The following F12 variants were observed in gnomAD, a reference collection of about 807,000 sequenced individuals.
The protein encoded by F12 is Hageman factor.
Under a neutral mutation model 74.8 loss-of-function variants are expected in F12, and 70 were observed. The ratio of observed to expected loss-of-function variants is 0.94; its 90% CI spans 0.77 to 1.14. F12 has a LOEUF of 1.14. Among genes scored for constraint, F12 ranks in the 50% most tolerant of loss-of-function variants. F12 has a pLI of 0.00. For synonymous variants in F12, 373 were observed against 356.4 expected, an observed-to-expected ratio of 1.05 and a Z score of -0.52; for missense variants, 811 against 835.7, an observed-to-expected ratio of 0.97 and a Z score of 0.36.
Position 177,404,621 on chromosome 5 carries a change from G to A in F12, c.678C>T (p.Arg226=). The change falls in exon 8 of 14, where the codon CGC becomes CGT. Residue 226 remains arginine (R), a synonymous_variant. Transcript: ENST00000253496. ...SCYDGRGLSY[R]GLARTTLSGA... is the part of the protein sequence containing the mutation. ...CCGAGAGCGTGGTCCTGGCCAGGCC[G>A]CGGTAGCTGAGCCCGCGGCCATCAT... The A allele has an allele frequency of 6.2e-7, 1 of 1,607,426 alleles. No homozygotes were observed. Among genetic ancestry groups the A allele is most frequent in the Non-Finnish European group, 8.5e-7 (1 of 1,179,674 alleles).
Position 177,402,362 on chromosome 5 carries a change from C to A in F12, c.1778G>T (p.Arg593Leu). ...IISWGSGCGD[R>L]NKPGVYTDVA... ...ATCGGTGTAGACGCCTGGCTTGTTG[C>A]GGTCACCACAGCCCGATCCCCAGCT... Residue 593 changes from arginine (R) to leucine (L), a missense_variant, in exon 14 of 14, where the codon CGC becomes CTC. By Grantham distance (102) the Arg-to-Leu change is moderately radical (BLOSUM62 -2). Coordinates refer to ENST00000253496, the MANE Select transcript of F12 (RefSeq NM_000505.4). The A allele has an allele frequency of 1.2e-6, 2 of 1,613,654 alleles. No individual in the cohort carries two copies. Among genetic ancestry groups the A allele is most frequent in the Non-Finnish European group, 8.5e-7 (1 of 1,179,946 alleles).
In F12 at chr5:177,404,041, T is replaced by C; in HGVS notation, c.1068A>G (p.Pro356=). 1 of 1,602,534 alleles carries C rather than the reference T, an allele frequency of 6.2e-7. No individual in the cohort carries two copies. Among genetic ancestry groups the C allele is most frequent in the South Asian group, 1.1e-5 (1 of 91,016 alleles). Residue 356 remains proline (P), a synonymous_variant, in exon 10 of 14, where the codon CCA becomes CCG. Transcript: ENST00000253496. ...EQPPSLTRNG[P]LSCGQRLRKS... ...TGCGGAGCCGCTGCCCGCAGCTCAG[T>C]GGGCCGTTCCTGGTCAGGGAAGGCG...
chr5:177,403,079 A>C, intron 12 of F12, 175 bp downstream of exon 12: 1 of 813,722 alleles, frequency 1.2e-6, no homozygotes, highest in Non-Finnish European at 1.9e-6. Context: ...CCCAGCAGTG[A>C]ATCCCAGGCC....
chr5:177,403,957 G>T lies in F12; in HGVS notation c.1152C>A (p.His384Gln). Reference sequence around the variant, plus strand: ...CCCAGTACAGCGCGGCGATGTAGGGGTGCGCCCCGCGTAGCGCCACCAGCC... The same window carrying T: ...CCCAGTACAGCGCGGCGATGTAGGGTTGCGCCCCGCGTAGCGCCACCAGCC... ...VGGLVALRGA[H>Q]PYIAALYWGH... Residue 384 changes from histidine to glutamine, a missense_variant, in exon 10 of 14, where the codon CAC becomes CAA. Physicochemically the swap from His to Gln is conservative, Grantham distance 24. Coordinates refer to ENST00000253496, the MANE Select transcript of F12 (RefSeq NM_000505.4). The T allele has an allele frequency of 1.9e-6, 3 of 1,601,940 alleles. No individual in the cohort carries two copies. The highest frequency in any genetic ancestry group is 1.7e-6 in the Non-Finnish European group (2 of 1,178,776).
intron 6 of F12, 35 bp downstream of exon 6, chr5:177,405,019 G>A (rs746749861): frequency 6.1e-5 from 98 of 1,606,464 alleles, no homozygotes; most frequent in Non-Finnish European, 8.1e-5. Context: ...TCTTCCTGAC[G>A]CTCCTCCCTG....
rs750238377 is a variant in F12, at chr5:177,403,388, C to G, written c.1397G>C (p.Arg466Pro). 2 of 1,596,962 alleles carry G rather than the reference C, an allele frequency of 1.3e-6. No individual in the cohort carries two copies. The change falls in exon 12 of 14, where the codon CGC (arginine) becomes CCC (proline). Residue 466 changes from arginine (R) to proline (P), a missense_variant. By Grantham distance (103) the Arg-to-Pro change is moderately radical (BLOSUM62 -2). Transcript: ENST00000253496. ...VSYQHDLALL[R>P]LQEDADGSCA... ...GCTGCCGTCCGCATCCTCCTGAAGG[C>G]GCAACAGAGCTAACCCGGGCGGAGA...
chr5:177,402,533 C>A lies in F12; in HGVS notation c.1680+17G>T, dbSNP rs577635757. ...TGACGGCCTCGGGGAAGGGCGCCAA[C>A]CGGGCTAAGAGCTCACCTGGCACGC... On this transcript the variant is annotated intron_variant, in intron 13 of 13. Transcript: ENST00000253496. 6.2e-7 allele frequency: 1 copy of A among 1,607,732 alleles called. No homozygotes were observed. Among genetic ancestry groups the A allele is most frequent in the East Asian group, 2.2e-5 (1 of 44,492 alleles).
Position 177,403,792 on chromosome 5 carries a change from T to C in F12, c.1250+67A>G, listed in dbSNP as rs1475277103. On this transcript the variant is annotated intron_variant, in intron 10 of 13. Transcript: ENST00000253496. ...GTAGGGCACGGGTTCGGGTGCAGCGTGGAAGCTGCGCTGGGAGACGGAGGA... is the reference window on the plus strand; with the variant it reads ...GTAGGGCACGGGTTCGGGTGCAGCGCGGAAGCTGCGCTGGGAGACGGAGGA... 4.1e-6 allele frequency: 6 copies of C among 1,461,798 alleles called. No individual in the cohort carries two copies. In the African/African-American group the frequency reaches 5.6e-5, roughly 14 times the overall value. 90.6% of individuals were successfully genotyped at this position (1,461,798 alleles called of 1,614,324 possible).
intron 13 of F12, 36 bp downstream of exon 13, chr5:177,402,514 C>G: frequency 6.2e-7 from 1 of 1,602,696 alleles, no homozygotes; most frequent in Non-Finnish European, 8.5e-7. Context: ...TGCCTGACGG[C>G]CTCGGGGAAG....
intron 2 of F12, among the ~76,000 whole-genome samples, chr5:177,406,382 G>A (rs1030048503): frequency 2.0e-5 from 3 of 152,106 alleles, no homozygotes; most frequent in South Asian, 2.1e-4. Flanking sequence ...CCAGCTACTC[G>A]GGAGGCCGAG....
rs759948258 is a variant in F12, at chr5:177,403,984, G to C, written c.1125C>G (p.Gly375=). 79 of 1,602,696 alleles carry C rather than the reference G, an allele frequency of 4.9e-5. No individual in the cohort carries two copies. The African/African-American group carries it at 9.1e-4, about 18-fold the overall frequency. ...KSLSSMTRVV[G]GLVALRGAHP... ...GCGCCCCGCGTAGCGCCACCAGCCC[G>C]CCAACGACGCGGGTCATCGAAGACA... is the stretch of plus-strand genomic sequence containing the variant. The change falls in exon 10 of 14, where the codon GGC becomes GGG. Residue 375 remains glycine (G), a synonymous_variant. Coordinates refer to ENST00000253496, the MANE Select transcript of F12 (RefSeq NM_000505.4).
chr5:177,403,415 G>T lies in F12; in HGVS notation c.1388-18C>A, dbSNP rs756305604. 6.3e-7 allele frequency: 1 copy of T among 1,585,908 alleles called. No individual in the cohort carries two copies. The highest frequency in any genetic ancestry group is 8.5e-7 in the Non-Finnish European group (1 of 1,172,710). Reference sequence around the variant, plus strand: ...CAACAGAGCTAACCCGGGCGGAGAGGAGCGTGAGGCGGGGACGCCGGGGCC... The same window carrying T: ...CAACAGAGCTAACCCGGGCGGAGAGTAGCGTGAGGCGGGGACGCCGGGGCC... On this transcript the variant is annotated intron_variant, in intron 11 of 13. Coordinates refer to ENST00000253496, the MANE Select transcript of F12 (RefSeq NM_000505.4).
In F12 at chr5:177,403,856, C is replaced by A; in HGVS notation, c.1250+3G>T. 1 of 1,527,820 alleles carries A rather than the reference C, an allele frequency of 6.5e-7. No homozygotes were observed. Among genetic ancestry groups the A allele is most frequent in the South Asian group, 1.2e-5 (1 of 82,954 alleles). 94.6% of individuals were successfully genotyped at this position (1,527,820 alleles called of 1,614,324 possible). A position where few individuals can be genotyped will look rare whatever the true frequency, so the allele number is the denominator to read the frequency against. ...GGGCGGCTCTGGGCGGGCGGGTACT[C>A]GCCGGTCCTGCAGGCAGTGAGCGGC... On this transcript the variant is annotated splice_donor_region_variant and intron_variant, in intron 10 of 13. Transcript: ENST00000253496.
Position 177,409,501 on chromosome 5 carries a change from G to A in F12, c.27C>T (p.Phe9=). 6.2e-7 allele frequency: 1 copy of A among 1,614,102 alleles called. No individual in the cohort carries two copies. Among genetic ancestry groups the A allele is most frequent in the Non-Finnish European group, 8.5e-7 (1 of 1,180,022 alleles). MRALLLLG[F]LLVSLESTLS... ...GTGTTGACTCCAAGCTCACCAGCAG[G>A]AACCCCAGGAGCAGCAGAGCCCTCA... The change falls in exon 1 of 14, where the codon TTC becomes TTT. Residue 9 remains phenylalanine (F), a synonymous_variant. Coordinates refer to ENST00000253496, the MANE Select transcript of F12 (RefSeq NM_000505.4).
rs139263608 is a variant in F12, at chr5:177,404,291, G to T, written c.923C>A (p.Ser308Tyr). Reference protein sequence around the residue: ...PTQAAPPTPVSPRLHVPLMPA... With the variant: ...PTQAAPPTPVYPRLHVPLMPA... ...CATGAGTGGGACATGAAGCCTAGGGGACACCGGGGTCGGAGGCGCCGCCTG... is the reference window on the plus strand; with the variant it reads ...CATGAGTGGGACATGAAGCCTAGGGTACACCGGGGTCGGAGGCGCCGCCTG... Residue 308 changes from serine to tyrosine, a missense_variant, in exon 9 of 14, where the codon TCC becomes TAC. Transcript: ENST00000253496. The T allele has an allele frequency of 9.3e-5, 149 of 1,601,610 alleles. No individual in the cohort carries two copies. In the African/African-American group the frequency reaches 1.9e-3, roughly 20 times the overall value.
At position 177,403,355 on chromosome 5, in the gene F12, A is replaced by G. The variant is rs1763190780; in HGVS notation, c.1430T>C (p.Leu477Pro). 1 of 1,598,884 alleles carries G rather than the reference A, an allele frequency of 6.3e-7. No homozygotes were observed. The highest frequency in any genetic ancestry group is 8.5e-7 in the Non-Finnish European group (1 of 1,179,586). Residue 477 changes from leucine (L) to proline (P), a missense_variant, in exon 12 of 14, where the codon CTC (leucine) becomes CCC (proline). By Grantham distance (98) the Leu-to-Pro change is moderately conservative. Coordinates refer to ENST00000253496, the MANE Select transcript of F12 (RefSeq NM_000505.4). ...CACCGGCTGAACGTAAGGCGACAGGAGCGCGCAGCTGCCGTCCGCATCCTC... is the reference window on the plus strand; with the variant it reads ...CACCGGCTGAACGTAAGGCGACAGGGGCGCGCAGCTGCCGTCCGCATCCTC... ...LQEDADGSCA[L>P]LSPYVQPVCL... is the part of the protein sequence containing the mutation.
intron 3 of F12, 43 bp downstream of exon 3, chr5:177,405,919 A>C: frequency 1.3e-6 from 2 of 1,598,642 alleles, no homozygotes; most frequent in Non-Finnish European, 1.7e-6. Flanking sequence ...GGCAGGGTAC[A>C]TGTCTCCCAG....
In F12 at chr5:177,403,775, C is replaced by T. The variant is rs553496172; in HGVS notation, c.1250+84G>A. The T allele has an allele frequency of 7.1e-5, 103 of 1,453,438 alleles. No homozygotes were observed. The East Asian group carries it at 2.4e-3, about 33-fold the overall frequency. The allele number at this position is 1,453,438 out of a possible 1,614,324, so 90.0% of individuals were successfully genotyped here. ...GGGTGGGGCGGGAGAAGGTAGGGCA[C>T]GGGTTCGGGTGCAGCGTGGAAGCTG... On this transcript the variant is annotated intron_variant, in intron 10 of 13. Transcript: ENST00000253496.
rs1382485813 is a variant in F12 at position 177,404,586 on chromosome 5, C to A, written c.713G>T (p.Cys238Phe). 2 of 1,608,500 alleles carry A rather than the reference C, an allele frequency of 1.2e-6. No individual in the cohort carries two copies. Among genetic ancestry groups the A allele is most frequent in the Non-Finnish European group, 1.7e-6 (2 of 1,179,234 alleles). The change falls in exon 8 of 14, where the codon TGT becomes TTT. Residue 238 changes from cysteine (C) to phenylalanine (F), a missense_variant. By Grantham distance (205) the Cys-to-Phe change is radical. Transcript: ENST00000253496. ...LARTTLSGAPCQPWASEATYR... is the reference protein window; with the variant it reads ...LARTTLSGAPFQPWASEATYR... Reference sequence around the variant, plus strand: ...GGTGGCCTCCGAGGCCCACGGCTGACAGGGCGCACCCGAGAGCGTGGTCCT... The same window carrying A: ...GGTGGCCTCCGAGGCCCACGGCTGAAAGGGCGCACCCGAGAGCGTGGTCCT...
Sources: allele counts gnomAD v4.1 joint callset (sites outside exome capture counted in the v4.1 genomes callset), GRCh38; gene constraint gnomAD v4.1.1; transcripts MANE v1.5; gene names NCBI Gene and HGNC (gene_info 2026-07-23, HGNC 2026-07-21).